Variants in VPS13D observed in about 807,000 individuals in gnomAD.
The protein encoded by VPS13D is vacuolar protein sorting 13 homolog D, also known as intermembrane lipid transfer protein VPS13D.
A neutral mutation model predicts 461.9 loss-of-function variants in VPS13D; 187 were observed. That is an observed-to-expected ratio of 0.40 (90% CI 0.36 to 0.46). The LOEUF (loss-of-function observed/expected upper bound fraction) is 0.46, where lower values mean the gene tolerates loss of function less well. Ranked by LOEUF, VPS13D falls within the 20% of genes least tolerant of loss-of-function variation. The probability of loss-of-function intolerance (pLI) is 0.60; values close to 1 mark genes in which losing one functional copy is unlikely to be tolerated. For missense variants in VPS13D, 4,711 were observed against 5,364.9 expected (o/e 0.88, Z 3.81); for synonymous variants, 1,951 against 1,986.3 (o/e 0.98, Z 0.47).
chr1:12,352,044 C>T (rs1434533166), intron 46 of VPS13D, among the ~76,000 whole-genome samples: 1 of 151,918 alleles, frequency 6.6e-6, no homozygotes, highest in African/African-American at 2.4e-5. Context: ...AATCCCAGCA[C>T]TTTGGGAGGC....
chr1:12,393,173 C>T (rs2101667251), intron 60 of VPS13D, among the ~76,000 whole-genome samples: 1 of 152,334 alleles, frequency 6.6e-6, no homozygotes, highest in East Asian at 1.9e-4. Flanking sequence ...AAATGTCTCA[C>T]CAATAAGTCC....
At chr1:12,345,613 C>T in intron 43 of VPS13D, 104 bp downstream of exon 43, 1 of 1,467,720 alleles carries the variant, frequency 6.8e-7, no homozygotes, top group Non-Finnish European at 9.2e-7. Context: ...TTCTTTCTTT[C>T]CCCTAATTCT....
chr1:12,351,222 T>C (rs1321818648), intron 46 of VPS13D, among the ~76,000 whole-genome samples: 2 of 152,238 alleles, frequency 1.3e-5, no homozygotes, highest in African/African-American at 4.8e-5. Context: ...CAAAACCTGA[T>C]ACAGCTACTA....
At chr1:12,444,931 T>G (rs978577758) in intron 65 of VPS13D, among the ~76,000 whole-genome samples, 8 of 152,240 alleles carry the variant, frequency 5.3e-5, no homozygotes, top group African/African-American at 1.9e-4. Context: ...TTTTTAAATT[T>G]TCCCCCATGC....
intron 65 of VPS13D, among the ~76,000 whole-genome samples, chr1:12,439,682 C>T (rs1163160302): frequency 6.6e-6 from 1 of 152,090 alleles, no homozygotes; most frequent in Non-Finnish European, 1.5e-5. Context: ...CTGCTACATC[C>T]CCAGCCCTTA....
chr1:12,387,645 T>A (rs900771697), intron 60 of VPS13D, among the ~76,000 whole-genome samples: 4 of 152,224 alleles, frequency 2.6e-5, no homozygotes, highest in African/African-American at 9.6e-5. Flanking sequence ...AACTGTATTC[T>A]CTGTGTTCAA....
chr1:12,289,682 G>A (rs887098846), intron 22 of VPS13D, among the ~76,000 whole-genome samples: 4 of 151,646 alleles, frequency 2.6e-5, no homozygotes, highest in East Asian at 3.9e-4. Flanking sequence ...GGCTGGGCAC[G>A]GTGGCTCACG....
Position 12,503,468 on chromosome 1 carries a change from G to A in VPS13D, c.12795-3385G>A, listed in dbSNP as rs190426393. Among the ~76,000 whole-genome samples, 310 of 152,208 alleles carry A rather than the reference G, an allele frequency of 2.0e-3. 1 individual carries two copies. The highest frequency in any genetic ancestry group is 8.3e-3 in the South Asian group (40 of 4,824). On this transcript the variant is annotated intron_variant, in intron 68 of 69. Transcript: ENST00000620676. ...CAAAGTGCTGGGATTATAGGTGGGA[G>A]CCACCATGCTCTGCCCTAAGAGTTG...
At chr1:12,386,159 G>C (rs1357203928) in intron 59 of VPS13D, 26 bp from the exon 60 acceptor site, 1 of 1,595,932 alleles carries the variant, frequency 6.3e-7, no homozygotes, top group East Asian at 2.2e-5. Flanking sequence ...AAACAATCAG[G>C]GTGCCATATT....
chr1:12,298,517 G>A (rs1427188024), intron 24 of VPS13D, among the ~76,000 whole-genome samples: 5 of 152,020 alleles, frequency 3.3e-5, no homozygotes, highest in Non-Finnish European at 5.9e-5. Context: ...GCACGTGCCC[G>A]TAATCCCAGC....
In VPS13D at chr1:12,321,836, C is replaced by T. The variant is rs371410512; in HGVS notation, c.7576C>T (p.His2526Tyr). Residue 2526 changes from histidine to tyrosine, a missense_variant, in exon 33 of 70, where the codon CAT (histidine) becomes TAT (tyrosine). Physicochemically the swap from His to Tyr is moderately conservative, Grantham distance 83. Around this residue, in one of 3 missense-constraint regions of VPS13D, gnomAD observed 4,411 missense variants for 4,937.8 expected, o/e 0.89. Coordinates refer to ENST00000620676, the MANE Select transcript of VPS13D (RefSeq NM_015378.4). ...EVFSCRLGNEHDTALSIVDPV... is the reference protein window; with the variant it reads ...EVFSCRLGNEYDTALSIVDPV... Reference sequence around the variant, plus strand: ...GTTTTCATGCCGACTAGGGAATGAGCATGATACAGCTCTTTCAATTGTGGA... The same window carrying T: ...GTTTTCATGCCGACTAGGGAATGAGTATGATACAGCTCTTTCAATTGTGGA... 8.0e-5 allele frequency: 129 copies of T among 1,607,718 alleles called. No homozygotes were observed. Among genetic ancestry groups the T allele is most frequent in the Non-Finnish European group, 1.1e-4 (126 of 1,178,120 alleles).
intron 24 of VPS13D, among the ~76,000 whole-genome samples, chr1:12,294,241 C>T (rs1054474845): frequency 1.3e-4 from 20 of 152,170 alleles, no homozygotes; most frequent in Admixed American, 5.2e-4. Flanking sequence ...TTATTTAATT[C>T]TTAAGTAACC....
At chr1:12,323,842 C>G (rs1248686176) in intron 35 of VPS13D, 62 bp downstream of exon 35, 2 of 1,544,182 alleles carry the variant, frequency 1.3e-6, no homozygotes, top group South Asian at 1.1e-5. Context: ...CTTCCCATTT[C>G]CTCTCTTACT....
rs971307221 is a variant in VPS13D at position 12,466,444 on chromosome 1, A to G, written c.12662+6048A>G. ...ATGTATCTAGAGTGGATCAAGTCCA[A>G]TATTTCTTTCAGAGTTCCTGTTCCT... On this transcript the variant is annotated intron_variant, in intron 67 of 69. Transcript: ENST00000620676. Among the ~76,000 whole-genome samples the G allele has an allele frequency of 1.4e-4, 21 of 152,344 alleles. No homozygotes were observed. In the South Asian group the frequency reaches 1.5e-3, roughly 11 times the overall value.
chr1:12,487,610 CAA>C (rs765536608), intron 67 of VPS13D, among the ~76,000 whole-genome samples: 12 of 89,748 alleles, frequency 1.3e-4, no homozygotes, highest in Non-Finnish European at 1.4e-4. Flanking sequence ...GATTCCATCT[CAA>C]AAAAAAAAAA....
rs1021386570 is a variant in VPS13D, at chr1:12,385,279, G to A, written c.11390G>A (p.Arg3797Gln). ...CTTCAGATAACAGATTTCTGCCACC[G>A]GAAAAGCAGCCGTTCATATGAAGTG... ...RALQITDFCH[R>Q]KSSRSYEVDE... Residue 3797 changes from arginine (R) to glutamine (Q), a missense_variant, in exon 59 of 70, where the codon CGG (arginine) becomes CAG (glutamine). Physicochemically the swap from Arg to Gln is conservative, Grantham distance 43 (BLOSUM62 1). Transcript: ENST00000620676. 24 of 1,613,412 alleles carry A rather than the reference G, an allele frequency of 1.5e-5. No individual in the cohort carries two copies. Among genetic ancestry groups the A allele is most frequent in the East Asian group, 4.5e-5 (2 of 44,856 alleles).
At chr1:12,289,690 A>G (rs1642070238) in intron 22 of VPS13D, among the ~76,000 whole-genome samples, 1 of 151,932 alleles carries the variant, frequency 6.6e-6, no homozygotes, top group African/African-American at 2.4e-5. Flanking sequence ...ACGGTGGCTC[A>G]CGCCTGTAAT....
intron 5 of VPS13D, among the ~76,000 whole-genome samples, chr1:12,247,005 T>C (rs1640572096): frequency 6.6e-6 from 1 of 151,600 alleles, no homozygotes; most frequent in Non-Finnish European, 1.5e-5. Flanking sequence ...TGGAGTAGAA[T>C]TGAGGAATTA....
At chr1:12,323,898 A>T in intron 35 of VPS13D, 118 bp downstream of exon 35, 1 of 1,014,114 alleles carries the variant, frequency 9.9e-7, no homozygotes, top group Admixed American at 1.9e-5. Flanking sequence ...AGGACGCTTT[A>T]TGTGTCTTCT....
Sources: allele counts gnomAD v4.1 joint callset (sites outside exome capture counted in the v4.1 genomes callset), GRCh38; gene constraint gnomAD v4.1.1; regional missense constraint gnomAD v4.1.1; transcripts MANE v1.5; gene names NCBI Gene and HGNC (gene_info 2026-07-23, HGNC 2026-07-21).